PHC1: variants seen among roughly 807,000 people sequenced by gnomAD.
PHC1 encodes the protein polyhomeotic-like protein 1.
A neutral mutation model predicts 104.3 loss-of-function variants in PHC1; 12 were observed. That is an observed-to-expected ratio of 0.12 (90% CI 0.07 to 0.19). The LOEUF (loss-of-function observed/expected upper bound fraction) is 0.19, where lower values mean the gene tolerates loss of function less well. PHC1 is among the 10% of genes least tolerant of loss of function. PHC1 has a pLI of 1.00. For synonymous variants in PHC1, 302 were observed against 455.8 expected (o/e 0.66, Z 4.30); for missense variants, 671 against 1,200.0 (o/e 0.56, Z 6.51).
At chr12:8,921,328 C>T (rs1334660538) in intron 4 of PHC1, among the ~76,000 whole-genome samples, 2 of 152,176 alleles carry the variant, frequency 1.3e-5, no homozygotes, top group African/African-American at 2.4e-5. Context: ...TCCCTGGACT[C>T]TTCAATGAGA....
At chr12:8,920,840 A>G (rs140006464) in intron 3 of PHC1, 145 bp from the exon 4 acceptor site, 184 of 593,984 alleles carry the variant, frequency 3.1e-4, no homozygotes, top group African/African-American at 2.5e-3. Context: ...GGACTAGTGA[A>G]TATACTTTTC....
intron 6 of PHC1, among the ~76,000 whole-genome samples, chr12:8,923,452 C>T (rs934548959): frequency 1.3e-5 from 2 of 152,102 alleles, no homozygotes; most frequent in East Asian, 1.9e-4. Flanking sequence ...TACTTTTGGC[C>T]CTCCCTGTTT....
chr12:8,919,680 A>C lies in PHC1; in HGVS notation c.115-76A>C. ...TCTGTCCTTCCCATGGCCCCCTTTC[A>C]CACAAATACAGTGATTTACATAGAA... On this transcript the variant is annotated intron_variant, in intron 2 of 14. Transcript: ENST00000544916. This position sits in a 1 kb window ranked among gnomAD's most constrained non-coding sequence, Gnocchi z 4.9. 7.0e-6 allele frequency: 10 copies of C among 1,420,874 alleles called. No homozygotes were observed. The highest frequency in any genetic ancestry group is 8.7e-6 in the Non-Finnish European group (9 of 1,034,960). 88.0% of individuals were successfully genotyped at this position (1,420,874 alleles called of 1,614,324 possible).
Position 8,936,862 on chromosome 12 carries a change from A to G in PHC1, c.2375A>G (p.Asp792Gly), listed in dbSNP as rs1408245941. 1.2e-6 allele frequency: 2 copies of G among 1,605,768 alleles called. No homozygotes were observed. Among genetic ancestry groups the G allele is most frequent in the East Asian group, 2.2e-5 (1 of 44,840 alleles). ...LGVDSPSAELDKKANLLKCEY... is the reference protein window; with the variant it reads ...LGVDSPSAELGKKANLLKCEY... The stretch of plus-strand genomic sequence containing the variant: ...GCAATACCTTGTTTTTTAGAGTTAG[A>G]TAAGAAGGCGAATCTCCTGAAGTGC... The change falls in exon 12 of 15, where the codon GAT becomes GGT. Residue 792 changes from aspartate (D) to glycine (G), a missense_variant. Coordinates refer to ENST00000544916, the MANE Select transcript of PHC1 (RefSeq NM_004426.3).
chr12:8,915,941 A>T (rs1945188390), intron 1 of PHC1: 1 of 154,416 alleles, frequency 6.5e-6, no homozygotes, highest in African/African-American at 2.4e-5. Flanking sequence ...TATGTTCTCT[A>T]TACCTAGCAA....
chr12:8,935,290 G>A, intron 11 of PHC1, 52 bp downstream of exon 11: 1 of 957,774 alleles, frequency 1.0e-6, no homozygotes, highest in Non-Finnish European at 1.6e-6. Flanking sequence ...GTGGAGATGT[G>A]TTTGAGGACT....
intron 6 of PHC1, 106 bp from the exon 7 acceptor site, chr12:8,930,329 G>A (rs1469762225): frequency 6.8e-7 from 1 of 1,466,160 alleles, no homozygotes; most frequent in Non-Finnish European, 9.2e-7. Flanking sequence ...TACGAGCTGA[G>A]GTATTCTGTG....
intron 5 of PHC1, among the ~76,000 whole-genome samples, 155 bp from the exon 6 acceptor site, chr12:8,922,478 T>G (rs1455051687): frequency 6.6e-6 from 1 of 152,234 alleles, no homozygotes; most frequent in Non-Finnish European, 1.5e-5. Flanking sequence ...TCATTACATG[T>G]GGAGAATATG....
Position 8,937,925 on chromosome 12 carries a change from G to A in PHC1, c.2725G>A (p.Gly909Arg), listed in dbSNP as rs1945886369. The part of the protein sequence containing the change: ...PGPLSVRAGH[G>R]ERDLGNPNTA... Reference sequence around the variant, plus strand: ...GCCTTTATCAGTAAGAGCTGGGCATGGAGAACGTGACCTGGGGAATCCCAA... The same window carrying A: ...GCCTTTATCAGTAAGAGCTGGGCATAGAGAACGTGACCTGGGGAATCCCAA... Residue 909 changes from glycine to arginine, a missense_variant, in exon 14 of 15, where the codon GGA (glycine) becomes AGA (arginine). By Grantham distance (125) the Gly-to-Arg change is moderately radical (BLOSUM62 -2). Around this residue, in one of 9 missense-constraint regions of PHC1, gnomAD observed 192 missense variants for 280.5 expected, o/e 0.68. Transcript: ENST00000544916. 1.9e-6 allele frequency: 3 copies of A among 1,605,504 alleles called. No individual in the cohort carries two copies. The highest frequency in any genetic ancestry group is 2.7e-5 in the African/African-American group (2 of 74,740).
intron 1 of PHC1, chr12:8,915,744 T>TTATG (rs1945183300): frequency 6.6e-6 from 1 of 152,318 alleles, no homozygotes; most frequent in Non-Finnish European, 1.5e-5. Context: ...ATGAATACAT[T>TTATG]TATGTGCCCG....
chr12:8,922,619 CCT>C lies in PHC1; in HGVS notation c.457-10_457-9del. 6.4e-7 allele frequency: 1 copy of C among 1,557,490 alleles called. No individual in the cohort carries two copies. The highest frequency in any genetic ancestry group is 8.7e-7 in the Non-Finnish European group (1 of 1,149,784). On this transcript the variant is annotated splice_polypyrimidine_tract_variant and intron_variant, in intron 5 of 14. Transcript: ENST00000544916. The stretch of plus-strand genomic sequence containing the variant: ...TCTTGTCCTCTTTGCTCTTCCTCTT[CCT>C]CTCCTTGCCAGCCACAGCTGGGAAA...
At chr12:8,932,346 C>G (rs1327707628) in intron 7 of PHC1, among the ~76,000 whole-genome samples, 2 of 152,162 alleles carry the variant, frequency 1.3e-5, no homozygotes, top group Non-Finnish European at 2.9e-5. Context: ...AGTTCTTTCT[C>G]TGAGATCTTT....
At chr12:8,913,903 T>C (rs1330492982), upstream of PHC1, 1 of 152,250 alleles carries the variant, frequency 6.6e-6, no homozygotes, top group Non-Finnish European at 1.5e-5. Flanking sequence ...CAACTCCTAA[T>C]GGGTTAGCTG....
At chr12:8,925,913 G>T (rs1945499569) in intron 6 of PHC1, among the ~76,000 whole-genome samples, 1 of 152,196 alleles carries the variant, frequency 6.6e-6, no homozygotes, top group Non-Finnish European at 1.5e-5. Context: ...TGTTCTAACA[G>T]TTTAAGGGAC....
chr12:8,917,870 C>T (rs759633741), intron 2 of PHC1, 79 bp downstream of exon 2: 7 of 750,386 alleles, frequency 9.3e-6, no homozygotes, highest in Non-Finnish European at 1.5e-5. Flanking sequence ...TAATTGTACT[C>T]AGTTCTTTTT....
At position 8,917,057 on chromosome 12, in the gene PHC1, T is replaced by G. The variant is rs934685824; in HGVS notation, c.-48-573T>G. Among the ~76,000 whole-genome samples the G allele has an allele frequency of 2.0e-5, 3 of 152,258 alleles. No individual in the cohort carries two copies. The East Asian group carries it at 5.8e-4, about 29-fold the overall frequency. On this transcript the variant is annotated intron_variant, in intron 1 of 14. Coordinates refer to ENST00000544916, the MANE Select transcript of PHC1 (RefSeq NM_004426.3). ...AAGAAGCATGTGTTAGTCCAAAGAC[T>G]TGATACTTACTAGGGCAACTTCTTT...
chr12:8,922,011 A>G (rs1565513843), intron 5 of PHC1, among the ~76,000 whole-genome samples: 1 of 152,104 alleles, frequency 6.6e-6, no homozygotes, highest in Non-Finnish European at 1.5e-5. Flanking sequence ...ACGGGGTTTC[A>G]CCATGTTGGC....
In PHC1 at chr12:8,939,332, G is replaced by A. The variant is rs376373214; in HGVS notation, c.2888G>A (p.Arg963His). 1.9e-6 allele frequency: 3 copies of A among 1,613,730 alleles called. No individual in the cohort carries two copies. Among genetic ancestry groups the A allele is most frequent in the African/African-American group, 2.7e-5 (2 of 74,800 alleles). The change falls in exon 15 of 15, where the codon CGC (arginine) becomes CAC (histidine). Residue 963 changes from arginine to histidine, a missense_variant. Transcript: ENST00000544916. ...QGCQEIAEEF[R>H]SQEIDGQALL... is the part of the protein sequence containing the mutation. ...TGCCAAGAGATTGCAGAGGAATTTC[G>A]CTCACAGGAGATTGATGGACAGGCC...
rs1365149104 is a variant in PHC1, at chr12:8,914,648, G to A, written c.-228G>A. On this transcript the variant is annotated 5_prime_UTR_variant, in exon 1 of 15. Coordinates refer to ENST00000544916, the MANE Select transcript of PHC1 (RefSeq NM_004426.3). ...AGCGGCGGGAGGGGCGGGGAGCCGC[G>A]GTCGCGCCGGGCGCCTCCCACCCCG... The A allele has an allele frequency of 6.7e-6, 1 of 149,908 alleles. No homozygotes were observed. The highest frequency in any genetic ancestry group is 1.5e-5 in the Non-Finnish European group (1 of 66,982). The allele number at this position is 149,908 out of a possible 1,614,324, so 9.3% of individuals were successfully genotyped here. A position where few individuals can be genotyped will look rare whatever the true frequency, so the allele number is the denominator to read the frequency against.
Sources: gnomAD v4.1 joint callset for allele counts (sites outside exome capture counted in the v4.1 genomes callset) on GRCh38, gnomAD v4.1.1 for gene constraint, gnomAD v4.1.1 regional missense constraint, Gnocchi (gnomAD v3.1) non-coding constraint, MANE v1.5 for transcripts, NCBI Gene and HGNC (gene_info 2026-07-23, HGNC 2026-07-21) for gene names.